The following PLCE1 variants were observed in gnomAD, a reference collection of about 807,000 sequenced individuals.
PLCE1 encodes the protein phospholipase C epsilon 1.
In PLCE1, 119 loss-of-function variants were observed where a neutral mutation model predicts 242.8. The observed-to-expected ratio is 0.49, with a 90% CI of 0.42 to 0.57. PLCE1 has a LOEUF of 0.57. Ranked by LOEUF, PLCE1 falls within the 20% of genes least tolerant of loss-of-function variation. The pLI is 0.00. For synonymous variants in PLCE1, 945 were observed against 1,017.4 expected, an observed-to-expected ratio of 0.93 and a Z score of 1.35; for missense variants, 2,441 against 2,788.8, an observed-to-expected ratio of 0.88 and a Z score of 2.81.
rs1037540178 is a variant in PLCE1 at position 94,207,046 on chromosome 10, A to G, written c.1810-20260A>G. 3.3e-5 allele frequency among the ~76,000 whole-genome samples: 5 copies of G among 152,356 alleles called. No individual in the cohort carries two copies. In the South Asian group the frequency reaches 6.2e-4, roughly 19 times the overall value. On this transcript the variant is annotated intron_variant, in intron 4 of 32. Coordinates refer to ENST00000371380, the MANE Select transcript of PLCE1 (RefSeq NM_016341.4). ...TAATTATAAATGTATTAACCATTGT[A>G]TGTAGCTCAAATGTAAGATACTAGT...
At chr10:94,033,374 A>G (rs988150296) in intron 2 of PLCE1, among the ~76,000 whole-genome samples, 10 of 152,046 alleles carry the variant, frequency 6.6e-5, no homozygotes, top group Non-Finnish European at 1.3e-4. Flanking sequence ...AAAACCCTTC[A>G]GACCAAACCA....
chr10:94,284,767 G>A (rs2052376408), intron 21 of PLCE1, 81 bp from the exon 22 acceptor site: 4 of 802,260 alleles, frequency 5.0e-6, no homozygotes, highest in Non-Finnish European at 9.1e-6. Context: ...ACCAGAGGAG[G>A]ACAGATAAAA....
rs141902586 is a variant in PLCE1, at chr10:94,118,718, C to T, written c.1207-13456C>T. ...ATAAGTCCAATAAACCTCTTTCTTT[C>T]GCAAATTGCCCAATCTTGGGTATGT... On this transcript the variant is annotated intron_variant, in intron 2 of 32. Transcript: ENST00000371380. Among the ~76,000 whole-genome samples the T allele has an allele frequency of 2.5e-4, 38 of 152,274 alleles. No individual in the cohort carries two copies. In the East Asian group the frequency reaches 4.6e-3, roughly 19 times the overall value.
chr10:94,147,832 T>C (rs1226340976), intron 3 of PLCE1, among the ~76,000 whole-genome samples: 1 of 152,168 alleles, frequency 6.6e-6, no homozygotes, highest in Non-Finnish European at 1.5e-5. Flanking sequence ...TGTAGCACAA[T>C]ATAGGAAACA....
At chr10:94,077,382 T>A (rs971535282) in intron 2 of PLCE1, among the ~76,000 whole-genome samples, 1 of 152,234 alleles carries the variant, frequency 6.6e-6, no homozygotes, top group African/African-American at 2.4e-5. Context: ...TGAGAAACCC[T>A]TTGCTAGGTA....
At chr10:94,094,943 G>A (rs2045246778) in intron 2 of PLCE1, among the ~76,000 whole-genome samples, 2 of 152,178 alleles carry the variant, frequency 1.3e-5, no homozygotes, top group Admixed American at 6.5e-5. Context: ...CTAAATCTAA[G>A]TTCATTTGAC....
chr10:94,150,948 T>G (rs2136110524), intron 3 of PLCE1, among the ~76,000 whole-genome samples: 1 of 152,340 alleles, frequency 6.6e-6, no homozygotes, highest in South Asian at 2.1e-4. Context: ...TACCAGGTTC[T>G]GGCAGTCTGA....
intron 7 of PLCE1, among the ~76,000 whole-genome samples, chr10:94,240,293 T>A (rs2050460279): frequency 6.6e-6 from 1 of 152,232 alleles, no homozygotes; most frequent in Non-Finnish European, 1.5e-5. Flanking sequence ...CAAACACTGC[T>A]CTAAATTCTT....
Position 94,059,871 on chromosome 10 carries a change from T to G in PLCE1, c.1206+27619T>G, listed in dbSNP as rs939286380. ...GTGGTTGCTATTTCAACCCAAGCAC[T>G]TGGTGTTCACGTCTTGCTTGTTCCT... is the stretch of plus-strand genomic sequence containing the variant. On this transcript the variant is annotated intron_variant, in intron 2 of 32. Transcript: ENST00000371380. 2.6e-5 allele frequency among the ~76,000 whole-genome samples: 4 copies of G among 152,366 alleles called. No homozygotes were observed. The South Asian group carries it at 8.3e-4, about 32-fold the overall frequency.
At chr10:94,114,285 C>CT (rs2046048299) in intron 2 of PLCE1, among the ~76,000 whole-genome samples, 1 of 152,202 alleles carries the variant, frequency 6.6e-6, no homozygotes. Flanking sequence ...GCAAATTGGG[C>CT]TCCCCAGCTT....
intron 24 of PLCE1, among the ~76,000 whole-genome samples, chr10:94,301,512 G>C (rs1399747402): frequency 6.6e-6 from 1 of 152,052 alleles, no homozygotes; most frequent in African/African-American, 2.4e-5. Flanking sequence ...AACCCTCCCA[G>C]GGCCAGCCTC....
At chr10:94,051,606 G>A (rs142860937) in intron 2 of PLCE1, among the ~76,000 whole-genome samples, 2 of 152,324 alleles carry the variant, frequency 1.3e-5, no homozygotes, top group East Asian at 3.9e-4. Context: ...AGGCCAATGG[G>A]CATTGTAAAA....
At chr10:94,318,561 G>A (rs2053656589) in intron 29 of PLCE1, among the ~76,000 whole-genome samples, 1 of 152,120 alleles carries the variant, frequency 6.6e-6, no homozygotes, top group East Asian at 1.9e-4. Flanking sequence ...ATGGCTTCCA[G>A]GTCAGTGTTC....
chr10:94,052,614 T>C (rs2043795507), intron 2 of PLCE1, among the ~76,000 whole-genome samples: 1 of 152,230 alleles, frequency 6.6e-6, no homozygotes, highest in Admixed American at 6.5e-5. Context: ...GGAACTCTTT[T>C]TCCCCCTCCT....
rs750075391 is a variant in PLCE1, at chr10:94,273,662, T to C, written c.4607T>C (p.Leu1536Pro). The change falls in exon 19 of 33, where the codon CTT becomes CCT. Residue 1536 changes from leucine to proline, a missense_variant. By Grantham distance (98) the Leu-to-Pro change is moderately conservative. Coordinates refer to ENST00000371380, the MANE Select transcript of PLCE1 (RefSeq NM_016341.4). ...CCTGACCAACTCAGAAAGAAAGTTC[T>C]TCTTAAAAACAAGAAGCTAAAAGCC... is the stretch of plus-strand genomic sequence containing the variant. Reference protein sequence around the residue: ...PSPDQLRKKVLLKNKKLKAHQ... With the variant: ...PSPDQLRKKVPLKNKKLKAHQ... 6.2e-7 allele frequency: 1 copy of C among 1,614,018 alleles called. No homozygotes were observed. Among genetic ancestry groups the C allele is most frequent in the Non-Finnish European group, 8.5e-7 (1 of 1,179,904 alleles).
rs568111168 is a variant in PLCE1, at chr10:94,011,679, A to G, written c.-365+17421A>G. On this transcript the variant is annotated intron_variant, in intron 1 of 32. Transcript: ENST00000371380. Reference sequence around the variant, plus strand: ...ATTTGAAAACATTTTTCTTCTTACAAATATCCAAATGAATATATAAAATTT... The same window carrying G: ...ATTTGAAAACATTTTTCTTCTTACAGATATCCAAATGAATATATAAAATTT... 1.1e-3 allele frequency among the ~76,000 whole-genome samples: 167 copies of G among 152,292 alleles called. 1 individual carries two copies. Among genetic ancestry groups the G allele is most frequent in the African/African-American group, 3.8e-3 (158 of 41,562 alleles).
At chr10:94,309,144 T>A (rs1246017052) in intron 27 of PLCE1, among the ~76,000 whole-genome samples, 3 of 152,204 alleles carry the variant, frequency 2.0e-5, no homozygotes, top group Non-Finnish European at 4.4e-5. Flanking sequence ...CAGGAAAATA[T>A]TTTGTTTCTT....
intron 2 of PLCE1, among the ~76,000 whole-genome samples, chr10:94,091,762 TA>T (rs1277212673): frequency 6.6e-6 from 1 of 151,836 alleles, no homozygotes; most frequent in Non-Finnish European, 1.5e-5. Flanking sequence ...AAATAGTCAA[TA>T]GTTAATGGAA....
At position 94,330,431 on chromosome 10, in the gene PLCE1, A is replaced by G. The variant is rs941019572; in HGVS notation, c.*2488A>G. ...ACAGTGGCTCATGCCTGTAATCCCA[A>G]CACTCTGGGAGGCTGAGGTGGGTGG... On this transcript the variant is annotated 3_prime_UTR_variant, in exon 33 of 33. Coordinates refer to ENST00000371380, the MANE Select transcript of PLCE1 (RefSeq NM_016341.4). 3.3e-5 allele frequency: 5 copies of G among 152,196 alleles called. No homozygotes were observed. The highest frequency in any genetic ancestry group is 1.9e-4 in the East Asian group (1 of 5,202). The allele number at this position is 152,196 out of a possible 1,614,324, so 9.4% of individuals were successfully genotyped here.
Sources: allele counts gnomAD v4.1 joint callset (sites outside exome capture counted in the v4.1 genomes callset), GRCh38; gene constraint gnomAD v4.1.1; transcripts MANE v1.5; gene names NCBI Gene and HGNC (gene_info 2026-07-23, HGNC 2026-07-21).